The following MS4A5 variants were observed in gnomAD, a reference collection of about 807,000 sequenced individuals.
MS4A5 encodes the protein membrane spanning 4-domains A5.
In MS4A5, 15 loss-of-function variants were observed where a neutral mutation model predicts 18.2. That is an observed-to-expected ratio of 0.83 (90% CI 0.55 to 1.27). MS4A5 has a LOEUF of 1.27. Ranked by LOEUF, MS4A5 falls within the 50% of genes most tolerant of loss-of-function variation. The probability of loss-of-function intolerance (pLI) is 0.00; values close to 1 mark genes in which losing one functional copy is unlikely to be tolerated. For missense variants in MS4A5, 232 were observed against 225.7 expected (o/e 1.03, Z -0.18); for synonymous variants, 89 against 78.7 (o/e 1.13, Z -0.69).
In MS4A5 at chr11:60,438,481, A is replaced by G. The variant is rs542738536; in HGVS notation, c.492+4564A>G. On this transcript the variant is annotated intron_variant, in intron 4 of 4. Transcript: ENST00000300190. ...AACTCTTCAAAAAATTAATGAATCC[A>G]GGAGCTGGTTTTTTGAAAGGATCAA... Among the ~76,000 whole-genome samples the G allele has an allele frequency of 9.8e-5, 15 of 152,290 alleles. No homozygotes were observed. The South Asian group carries it at 2.7e-3, about 27-fold the overall frequency.
chr11:60,445,190 C>G (rs541748457), intron 4 of MS4A5, among the ~76,000 whole-genome samples: 3 of 151,762 alleles, frequency 2.0e-5, no homozygotes, highest in African/African-American at 7.2e-5. Context: ...GGAAGGGACA[C>G]AAGAGAACCT....
intron 4 of MS4A5, among the ~76,000 whole-genome samples, chr11:60,438,744 T>C (rs1159909720): frequency 2.0e-5 from 3 of 150,624 alleles, no homozygotes; most frequent in Admixed American, 1.3e-4. Context: ...AATCTCTGAA[T>C]AGACCAATAA....
intron 4 of MS4A5, among the ~76,000 whole-genome samples, chr11:60,436,229 G>C (rs933150558): frequency 1.3e-5 from 2 of 150,736 alleles, no homozygotes; most frequent in African/African-American, 4.9e-5. Context: ...CTGTTAGAAG[G>C]AAAACTAACA....
chr11:60,447,408 TGCTATGCTATCCTAG>T (rs2086147018), intron 4 of MS4A5, among the ~76,000 whole-genome samples: 1 of 152,254 alleles, frequency 6.6e-6, no homozygotes, highest in Non-Finnish European at 1.5e-5. Context: ...TGCTGTACTA[TGCTATGCTATCCTAG>T]GCTATGCTAT....
intron 4 of MS4A5, among the ~76,000 whole-genome samples, chr11:60,442,724 A>G (rs1474455696): frequency 6.6e-6 from 1 of 152,214 alleles, no homozygotes; most frequent in Admixed American, 6.5e-5. Context: ...GATCTCTTGA[A>G]CTTATTCCTC....
chr11:60,435,269 G>C, intron 4 of MS4A5: 1 of 397,820 alleles, frequency 2.5e-6, no homozygotes, highest in Non-Finnish European at 4.8e-6. Flanking sequence ...GCACTCAAAA[G>C]AGGCCTAAAA....
At chr11:60,441,757 T>A (rs1291916747) in intron 4 of MS4A5, among the ~76,000 whole-genome samples, 1 of 151,782 alleles carries the variant, frequency 6.6e-6, no homozygotes, top group Non-Finnish European at 1.5e-5. Flanking sequence ...AAATTTAAAA[T>A]TTTAAAAAAA....
At chr11:60,437,160 T>A (rs1042550101) in intron 4 of MS4A5, among the ~76,000 whole-genome samples, 4 of 142,776 alleles carry the variant, frequency 2.8e-5, no homozygotes, top group African/African-American at 1.0e-4. Context: ...GAATTTCATA[T>A]CCAGCCAAAC....
chr11:60,447,025 T>C (rs2086142070), intron 4 of MS4A5, among the ~76,000 whole-genome samples: 1 of 136,136 alleles, frequency 7.3e-6, no homozygotes, highest in South Asian at 2.9e-4. Context: ...AAAGATAATA[T>C]GCTATGCTAT....
chr11:60,431,640 A>G (rs2135170482), intron 2 of MS4A5, among the ~76,000 whole-genome samples: 2 of 152,314 alleles, frequency 1.3e-5, no homozygotes, highest in South Asian at 4.2e-4. Context: ...ACGCCCAGAG[A>G]CATTTCCAGC....
At chr11:60,432,293 T>G in intron 2 of MS4A5, 118 bp from the exon 3 acceptor site, 1 of 592,630 alleles carries the variant, frequency 1.7e-6, no homozygotes, top group Admixed American at 3.1e-5. Flanking sequence ...CTCACTGCCC[T>G]GAGGAGTGTG....
intron 4 of MS4A5, among the ~76,000 whole-genome samples, chr11:60,437,614 G>A (rs1444504506): frequency 1.3e-5 from 2 of 151,124 alleles, no homozygotes; most frequent in Non-Finnish European, 3.0e-5. Flanking sequence ...AAAGGCAGGG[G>A]TTGCAATCCT....
chr11:60,435,516 G>T (rs950502388), intron 4 of MS4A5: 1 of 389,788 alleles, frequency 2.6e-6, no homozygotes, highest in Non-Finnish European at 4.9e-6. Context: ...TCCATCTGAG[G>T]TACCCGGTTC....
intron 4 of MS4A5, among the ~76,000 whole-genome samples, chr11:60,438,514 G>A (rs934516221): frequency 2.3e-4 from 35 of 151,974 alleles, no homozygotes; most frequent in African/African-American, 8.2e-4. Context: ...CAACAAAATT[G>A]ATAGACTGCT....
At chr11:60,441,723 T>C (rs981864012) in intron 4 of MS4A5, among the ~76,000 whole-genome samples, 1 of 151,136 alleles carries the variant, frequency 6.6e-6, no homozygotes, top group Non-Finnish European at 1.5e-5. Flanking sequence ...AACTATTATG[T>C]ACCCATAAAA....
At chr11:60,443,127 C>T (rs149101199) in intron 4 of MS4A5, among the ~76,000 whole-genome samples, 1 of 152,100 alleles carries the variant, frequency 6.6e-6, no homozygotes, top group African/African-American at 2.4e-5. Context: ...GGCAGCAGAG[C>T]AAGACTCCGT....
chr11:60,447,676 A>C lies in MS4A5; in HGVS notation c.520A>C (p.Ser174Arg). 6.3e-7 allele frequency: 1 copy of C among 1,588,160 alleles called. No individual in the cohort carries two copies. ...LGILITLMTF[S>R]IIELFISLPF... The stretch of plus-strand genomic sequence containing the variant: ...AATTTTGATTACATTGATGACTTTC[A>C]GCATTATTGAATTATTCATTTCTCT... The change falls in exon 5 of 5, where the codon AGC becomes CGC. Residue 174 changes from serine (S) to arginine (R), a missense_variant. By Grantham distance (110) the Ser-to-Arg change is moderately radical. Transcript: ENST00000300190.
intron 4 of MS4A5, among the ~76,000 whole-genome samples, chr11:60,441,423 T>A (rs1384452917): frequency 4.8e-3 from 30 of 6,190 alleles, no homozygotes; most frequent in Admixed American, 0.02. Flanking sequence ...AAACTTAAAG[T>A]ATAATAAAAA....
intron 3 of MS4A5, among the ~76,000 whole-genome samples, chr11:60,433,497 C>A (rs1449637459): frequency 1.3e-5 from 2 of 152,154 alleles, no homozygotes; most frequent in African/African-American, 2.4e-5. Context: ...TTGTTACAGG[C>A]ACACCCTTCC....
Sources: allele counts gnomAD v4.1 joint callset (sites outside exome capture counted in the v4.1 genomes callset), GRCh38; gene constraint gnomAD v4.1.1; transcripts MANE v1.5; gene names NCBI Gene and HGNC (gene_info 2026-07-23, HGNC 2026-07-21).